The following TFDP1 variants were observed in gnomAD, a reference collection of about 807,000 sequenced individuals.
The protein encoded by TFDP1 is transcription factor Dp-1.
In TFDP1, 6 loss-of-function variants were observed where a neutral mutation model predicts 48.0. The ratio of observed to expected loss-of-function variants is 0.13; its 90% CI spans 0.07 to 0.25. The LOEUF (loss-of-function observed/expected upper bound fraction) is 0.25, where lower values mean the gene tolerates loss of function less well. Among genes scored for constraint, TFDP1 ranks in the 10% least tolerant of loss-of-function variants. The probability of loss-of-function intolerance (pLI) is 1.00; values close to 1 mark genes in which losing one functional copy is unlikely to be tolerated. For synonymous variants in TFDP1, 201 were observed against 211.6 expected (o/e 0.95, Z 0.44); for missense variants, 335 against 543.0 (o/e 0.62, Z 3.81).
At chr13:113,597,064 A>G (rs1001704973) in intron 2 of TFDP1, among the ~76,000 whole-genome samples, 1 of 151,266 alleles carries the variant, frequency 6.6e-6, no homozygotes, top group East Asian at 2.0e-4. Context: ...CCCTCTGGAT[A>G]CCCCCTGTCT....
intron 2 of TFDP1, among the ~76,000 whole-genome samples, chr13:113,610,714 A>T (rs1334480908): frequency 6.6e-6 from 1 of 152,200 alleles, no homozygotes; most frequent in Non-Finnish European, 1.5e-5. Context: ...CATTTTCCTC[A>T]TCATTACAAT....
chr13:113,605,617 C>T (rs1042934396), intron 2 of TFDP1, among the ~76,000 whole-genome samples: 2 of 152,346 alleles, frequency 1.3e-5, no homozygotes, highest in Admixed American at 1.3e-4. Flanking sequence ...CAAGATGTCT[C>T]ACCCTCGCAG....
intron 3 of TFDP1, among the ~76,000 whole-genome samples, chr13:113,621,735 C>T (rs2048999657): frequency 6.6e-6 from 1 of 152,224 alleles, no homozygotes; most frequent in African/African-American, 2.4e-5. Context: ...GGACTGTGGT[C>T]TAGCGGTAGC....
At position 113,628,270 on chromosome 13, in the gene TFDP1, A is replaced by G. The variant is rs976636883; in HGVS notation, c.187-3353A>G. Among the ~76,000 whole-genome samples the G allele has an allele frequency of 5.9e-5, 9 of 151,830 alleles. No homozygotes were observed. In the East Asian group the frequency reaches 1.2e-3, roughly 20 times the overall value. On this transcript the variant is annotated intron_variant, in intron 4 of 11. Transcript: ENST00000375370. The stretch of plus-strand genomic sequence containing the variant: ...TAGAGACTGTGTCTGAAGCCGTGTA[A>G]AGACTGTGTCTGGAGCCGTGTAAAG...
chr13:113,607,755 G>A lies in TFDP1; in HGVS notation c.13-3241G>A, dbSNP rs987424081. Among the ~76,000 whole-genome samples the A allele has an allele frequency of 4.6e-5, 7 of 152,186 alleles. No homozygotes were observed. The highest frequency in any genetic ancestry group is 6.5e-5 in the Admixed American group (1 of 15,284). On this transcript the variant is annotated intron_variant, in intron 2 of 11. Transcript: ENST00000375370. This position sits in a 1 kb window ranked among gnomAD's most constrained non-coding sequence, Gnocchi z 5.2. The stretch of plus-strand genomic sequence containing the variant: ...CCCGCAAGGAGGGGCTGTGCCAGTG[G>A]GTGGCGGTGACGGGGGCCAGTGGTT...
intron 2 of TFDP1, among the ~76,000 whole-genome samples, chr13:113,603,379 C>T (rs1330179783): frequency 6.6e-6 from 1 of 152,222 alleles, no homozygotes; most frequent in African/African-American, 2.4e-5. Context: ...CCGGGCAGCG[C>T]CTCCATCCTG....
In TFDP1 at chr13:113,633,036, A is replaced by T; in HGVS notation, c.309-84A>T. On this transcript the variant is annotated intron_variant, in intron 5 of 11. Transcript: ENST00000375370. This position sits in a 1 kb window ranked among gnomAD's most constrained non-coding sequence, Gnocchi z 4.5. ...GGCCCCTTTTTGTGCAGCTCATTAG[A>T]GCTCTCAGGTAAAAGCATTCCTCGA... 1 of 1,557,558 alleles carries T rather than the reference A, an allele frequency of 6.4e-7. No homozygotes were observed. The highest frequency in any genetic ancestry group is 8.7e-7 in the Non-Finnish European group (1 of 1,144,044).
At chr13:113,616,708 G>A (rs1320303609) in intron 3 of TFDP1, among the ~76,000 whole-genome samples, 5 of 152,132 alleles carry the variant, frequency 3.3e-5, no homozygotes, top group Non-Finnish European at 1.5e-5. Context: ...TGTTGCTTAC[G>A]TAATTCCTCA....
At position 113,636,810 on chromosome 13, in the gene TFDP1, G is replaced by A. The variant is rs998763050; in HGVS notation, c.1006+110G>A. ...TGTGTCTTGCTGAGATCAGGCCCAC[G>A]TGTGTAGGGCCAGGAGCAAAGACAA... On this transcript the variant is annotated intron_variant, in intron 10 of 11. Transcript: ENST00000375370. 5 of 1,297,346 alleles carry A rather than the reference G, an allele frequency of 3.9e-6. No homozygotes were observed. The African/African-American group carries it at 6.0e-5, about 15-fold the overall frequency. 80.4% of individuals were successfully genotyped at this position (1,297,346 alleles called of 1,614,324 possible).
chr13:113,634,780 G>T (rs2049430413), intron 8 of TFDP1, among the ~76,000 whole-genome samples, 178 bp downstream of exon 8: 3 of 145,504 alleles, frequency 2.1e-5, no homozygotes, highest in South Asian at 4.6e-4. Context: ...CCAGAGCGAG[G>T]TTGTGCACGT....
chr13:113,588,535 G>C (rs978626610), intron 2 of TFDP1, among the ~76,000 whole-genome samples: 6 of 152,210 alleles, frequency 3.9e-5, no homozygotes, highest in Non-Finnish European at 8.8e-5. Flanking sequence ...GTCCTCTGGG[G>C]GTGTCATCTT....
At chr13:113,621,856 G>A (rs1439024381) in intron 3 of TFDP1, among the ~76,000 whole-genome samples, 1 of 152,210 alleles carries the variant, frequency 6.6e-6, no homozygotes, top group East Asian at 1.9e-4. Flanking sequence ...AGGCTCGCCT[G>A]CAGTTATCTG....
chr13:113,627,804 C>A lies in TFDP1; in HGVS notation c.187-3819C>A, dbSNP rs989666275. On this transcript the variant is annotated intron_variant, in intron 4 of 11. Coordinates refer to ENST00000375370, the MANE Select transcript of TFDP1 (RefSeq NM_007111.5). This position sits in a 1 kb window ranked among gnomAD's most constrained non-coding sequence, Gnocchi z 4.1. ...GAATGCCTGATGATCTGAGGTGGGA[C>A]AGTTTCTTCCCGAAACTACCCCCGA... Among the ~76,000 whole-genome samples, 1 of 152,134 alleles carries A rather than the reference C, an allele frequency of 6.6e-6. No homozygotes were observed. Among genetic ancestry groups the A allele is most frequent in the Non-Finnish European group, 1.5e-5 (1 of 68,024 alleles).
chr13:113,611,633 G>A (rs1380076656), intron 3 of TFDP1, among the ~76,000 whole-genome samples: 2 of 152,224 alleles, frequency 1.3e-5, no homozygotes. Flanking sequence ...ACCTCGGAGT[G>A]GTGCTGTGGT....
intron 4 of TFDP1, among the ~76,000 whole-genome samples, chr13:113,625,120 T>C (rs1156544528): frequency 7.8e-5 from 9 of 116,102 alleles, no homozygotes; most frequent in East Asian, 3.0e-4. Context: ...TCACGTGTCC[T>C]CAGGTGTCTC....
At chr13:113,611,570 A>C (rs1352788461) in intron 3 of TFDP1, among the ~76,000 whole-genome samples, 1 of 152,128 alleles carries the variant, frequency 6.6e-6, no homozygotes, top group African/African-American at 2.4e-5. Context: ...AGTCAGCTGG[A>C]GAGGTTGAAG....
chr13:113,585,260 C>CGA (rs1282893219), intron 1 of TFDP1: 1 of 149,966 alleles, frequency 6.7e-6, no homozygotes, highest in Non-Finnish European at 1.5e-5. Context: ...CCGGCGCGCG[C>CGA]GGGAGGCGCC....
chr13:113,626,161 C>T (rs1177970483), intron 4 of TFDP1, among the ~76,000 whole-genome samples: 2 of 151,676 alleles, frequency 1.3e-5, no homozygotes, highest in Non-Finnish European at 2.9e-5. Context: ...CAGGTGTCCC[C>T]AGGTGTCTCT....
rs746206770 is a variant in TFDP1 at position 113,635,942 on chromosome 13, G to A, written c.688-35G>A. The A allele has an allele frequency of 4.3e-5, 69 of 1,601,500 alleles. 1 individual carries two copies. The highest frequency in any genetic ancestry group is 2.7e-4 in the African/African-American group (20 of 74,582). ...AGCACAGGGGCTGCGTTCTTGTGCCGCCACGGGCCACCTGGCTCCTCTTAT... is the reference window on the plus strand; with the variant it reads ...AGCACAGGGGCTGCGTTCTTGTGCCACCACGGGCCACCTGGCTCCTCTTAT... On this transcript the variant is annotated intron_variant, in intron 8 of 11. Coordinates refer to ENST00000375370, the MANE Select transcript of TFDP1 (RefSeq NM_007111.5).
Sources: gnomAD v4.1 joint callset for allele counts (sites outside exome capture counted in the v4.1 genomes callset) on GRCh38, gnomAD v4.1.1 for gene constraint, Gnocchi (gnomAD v3.1) non-coding constraint, MANE v1.5 for transcripts, NCBI Gene and HGNC (gene_info 2026-07-23, HGNC 2026-07-21) for gene names.